The following ATP2A2 variants were observed in gnomAD, a reference collection of about 807,000 sequenced individuals.
The protein encoded by ATP2A2 is ATPase sarcoplasmic/endoplasmic reticulum Ca2+ transporting 2.
Under a neutral mutation model 109.3 loss-of-function variants are expected in ATP2A2, and 14 were observed. The observed-to-expected ratio is 0.13, with a 90% CI of 0.08 to 0.20. ATP2A2 has a LOEUF of 0.20. Among genes scored for constraint, ATP2A2 ranks in the 10% least tolerant of loss-of-function variants. ATP2A2 has a pLI of 1.00. For missense variants in ATP2A2, 657 were observed against 1,321.6 expected (o/e 0.50, Z 7.80); for synonymous variants, 506 against 490.9 (o/e 1.03, Z -0.41).
At chr12:110,312,177 A>T (rs1396671364) in intron 5 of ATP2A2, among the ~76,000 whole-genome samples, 1 of 151,994 alleles carries the variant, frequency 6.6e-6, no homozygotes, top group Admixed American at 6.6e-5. Context: ...AGACAGAGTA[A>T]AACTCTGTCT....
chr12:110,348,861 G>A lies in ATP2A2; in HGVS notation c.*2391G>A. 1.0e-6 allele frequency: 1 copy of A among 985,416 alleles called. No homozygotes were observed. Among genetic ancestry groups the A allele is most frequent in the Non-Finnish European group, 1.2e-6 (1 of 829,944 alleles). 61.0% of individuals were successfully genotyped at this position (985,416 alleles called of 1,614,324 possible). A position where few individuals can be genotyped will look rare whatever the true frequency, so the allele number is the denominator to read the frequency against. On this transcript the variant is annotated 3_prime_UTR_variant, in exon 20 of 20. Coordinates refer to ENST00000539276, the MANE Select transcript of ATP2A2 (RefSeq NM_170665.4). The stretch of plus-strand genomic sequence containing the variant: ...GGTGTAACAAGAAATGGGTTGAATG[G>A]GCCAAATGCAAGGAGTGCATCTCTG...
At chr12:110,293,485 C>G (rs11065617) in intron 4 of ATP2A2, among the ~76,000 whole-genome samples, 3,394 of 150,146 alleles carry the variant, frequency 0.023, 121 homozygotes, top group African/African-American at 0.078. Flanking sequence ...ACCTCCACTT[C>G]CCGGGATCAA....
At chr12:110,295,458 C>T (rs1301149699) in intron 4 of ATP2A2, among the ~76,000 whole-genome samples, 1 of 152,188 alleles carries the variant, frequency 6.6e-6, no homozygotes, top group Non-Finnish European at 1.5e-5. Context: ...AGCTACTGTG[C>T]TCAGCTGATA....
In ATP2A2 at chr12:110,350,079, TCTGTGTCA is replaced by T; in HGVS notation, c.*3613_*3620del. 6.9e-7 allele frequency: 1 copy of T among 1,443,662 alleles called. No individual in the cohort carries two copies. The highest frequency in any genetic ancestry group is 9.1e-7 in the Non-Finnish European group (1 of 1,103,704). The allele number at this position is 1,443,662 out of a possible 1,614,324, so 89.4% of individuals were successfully genotyped here. On this transcript the variant is annotated 3_prime_UTR_variant, in exon 20 of 20. Transcript: ENST00000539276. ...TTCTGTAGCCAGACGACACGAGGAG[TCTGTGTCA>T]CTGAGCCAGTGCTTCTAGATGCTAC...
chr12:110,350,345 G>C lies in ATP2A2; in HGVS notation c.*3875G>C. 6.2e-7 allele frequency: 1 copy of C among 1,614,084 alleles called. No homozygotes were observed. The highest frequency in any genetic ancestry group is 8.5e-7 in the Non-Finnish European group (1 of 1,180,020). On this transcript the variant is annotated 3_prime_UTR_variant, in exon 20 of 20. Coordinates refer to ENST00000539276, the MANE Select transcript of ATP2A2 (RefSeq NM_170665.4). The stretch of plus-strand genomic sequence containing the variant: ...ATTTTGCAGAAATGTAAGGGTGTTC[G>C]GTTGCGTGCATGTGCGTTTTTAGCA...
At chr12:110,331,783 A>G (rs1332848984) in intron 8 of ATP2A2, 18 of 152,148 alleles carry the variant, frequency 1.2e-4, no homozygotes, top group Non-Finnish European at 2.6e-4. Flanking sequence ...TTTTTAGAGG[A>G]GGTTTTACAA....
At position 110,342,834 on chromosome 12, in the gene ATP2A2, T is replaced by TC. The variant is rs1879484143; in HGVS notation, c.2318+390dup. 6.6e-6 allele frequency among the ~76,000 whole-genome samples: 1 copy of TC among 152,084 alleles called. No homozygotes were observed. The highest frequency in any genetic ancestry group is 2.4e-5 in the African/African-American group (1 of 41,418). Reference sequence around the variant, plus strand: ...GCAGTGGCACGATCTCAGCTCACTGTCCCCTCCACCTCCTGGGTTCAAGCC... The same window carrying TC: ...GCAGTGGCACGATCTCAGCTCACTGTCCCCCTCCACCTCCTGGGTTCAAGCC... On this transcript the variant is annotated intron_variant, in intron 15 of 19. Transcript: ENST00000539276. This position sits in a 1 kb window ranked among gnomAD's most constrained non-coding sequence, Gnocchi z 4.6.
chr12:110,326,996 A>G lies in ATP2A2; in HGVS notation c.630+521A>G, dbSNP rs74375486. 2.5e-3 allele frequency among the ~76,000 whole-genome samples: 375 copies of G among 152,350 alleles called. 3 individuals are homozygous for G. Among genetic ancestry groups the G allele is most frequent in the Non-Finnish European group, 3.4e-3 (232 of 68,044 alleles). On this transcript the variant is annotated intron_variant, in intron 7 of 19. Coordinates refer to ENST00000539276, the MANE Select transcript of ATP2A2 (RefSeq NM_170665.4). ...AAGTTGGGGACATTTGTGGGTTTGT[A>G]TGAGAACCTGACTACTACCCATAGT...
At chr12:110,323,127 C>A in intron 6 of ATP2A2, 55 bp downstream of exon 6, 1 of 1,350,282 alleles carries the variant, frequency 7.4e-7, no homozygotes, top group Non-Finnish European at 1.1e-6. Flanking sequence ...ATATTCCATG[C>A]CAATAGAGTT....
chr12:110,345,929 CA>C (rs751668991), intron 18 of ATP2A2, 71 bp from the exon 19 acceptor site: 18 of 1,446,976 alleles, frequency 1.2e-5, no homozygotes, highest in Non-Finnish European at 1.7e-5. Flanking sequence ...TGTAGTCCAA[CA>C]GGGTCTTACT....
intron 5 of ATP2A2, among the ~76,000 whole-genome samples, chr12:110,300,481 A>G (rs1280394384): frequency 6.7e-6 from 1 of 148,318 alleles, no homozygotes; most frequent in Non-Finnish European, 1.5e-5. Flanking sequence ...CAGCCTCCCC[A>G]GTAGCTGTGA....
intron 6 of ATP2A2, among the ~76,000 whole-genome samples, chr12:110,323,736 G>A (rs1044723373): frequency 6.6e-6 from 1 of 152,306 alleles, no homozygotes; most frequent in Non-Finnish European, 1.5e-5. Context: ...AGGCTACAGT[G>A]AGCCATGCTT....
chr12:110,294,666 GTT>G (rs939700371), intron 4 of ATP2A2, among the ~76,000 whole-genome samples: 1 of 151,970 alleles, frequency 6.6e-6, no homozygotes, highest in African/African-American at 2.4e-5. Context: ...AAAGATTCGA[GTT>G]TTTAAAAAAA....
At chr12:110,297,687 C>T (rs1258890369) in intron 5 of ATP2A2, among the ~76,000 whole-genome samples, 1 of 151,878 alleles carries the variant, frequency 6.6e-6, no homozygotes, top group Non-Finnish European at 1.5e-5. Flanking sequence ...GGCATGATCT[C>T]AGCTCACTGC....
chr12:110,304,789 T>C (rs1301458079), intron 5 of ATP2A2, among the ~76,000 whole-genome samples: 1 of 152,230 alleles, frequency 6.6e-6, no homozygotes, highest in Non-Finnish European at 1.5e-5. Context: ...TTGTTGCTTG[T>C]GCTTTTGGTG....
intron 5 of ATP2A2, among the ~76,000 whole-genome samples, chr12:110,302,581 TTAC>T (rs562138095): frequency 1.2e-5 from 1 of 86,926 alleles, no homozygotes; most frequent in Non-Finnish European, 2.2e-5. Flanking sequence ...TTTATTTTTA[TTAC>T]TATTATTATT....
chr12:110,290,218 G>C (rs573219786), intron 3 of ATP2A2, among the ~76,000 whole-genome samples: 2 of 152,342 alleles, frequency 1.3e-5, no homozygotes, highest in East Asian at 3.9e-4. Flanking sequence ...TTCTTTTATA[G>C]AGATGAGGGT....
At chr12:110,311,158 T>G (rs1050616733) in intron 5 of ATP2A2, among the ~76,000 whole-genome samples, 6 of 152,182 alleles carry the variant, frequency 3.9e-5, no homozygotes, top group African/African-American at 1.4e-4. Context: ...TTAGCAAACA[T>G]TAAATGCTCT....
chr12:110,334,255 A>C lies in ATP2A2; in HGVS notation c.1419+112A>C, dbSNP rs1003699863. ...AAAACTAATTATACCTTATCTCCTC[A>C]AACTTACAGTATTTCCTTCCCCATA... On this transcript the variant is annotated intron_variant, in intron 11 of 19. Transcript: ENST00000539276. The C allele has an allele frequency of 5.4e-6, 7 of 1,302,536 alleles. No homozygotes were observed. The East Asian group carries it at 7.0e-5, about 13-fold the overall frequency. 80.7% of individuals were successfully genotyped at this position (1,302,536 alleles called of 1,614,324 possible). A position where few individuals can be genotyped will look rare whatever the true frequency, so the allele number is the denominator to read the frequency against.
Sources: gnomAD v4.1 joint callset for allele counts (sites outside exome capture counted in the v4.1 genomes callset) on GRCh38, gnomAD v4.1.1 for gene constraint, Gnocchi (gnomAD v3.1) non-coding constraint, MANE v1.5 for transcripts, NCBI Gene and HGNC (gene_info 2026-07-23, HGNC 2026-07-21) for gene names.